The following ZNF83 variants were observed in gnomAD, a reference collection of about 807,000 sequenced individuals.
ZNF83 encodes the protein zinc finger protein 816B.
For missense variants in ZNF83, 552 were observed against 629.9 expected (o/e 0.88, Z 1.32); for synonymous variants, 209 against 213.0 (o/e 0.98, Z 0.17).
At chr19:52,635,129 TAC>T in exon 2 of ZNF83, 2 of 678,136 alleles carry the variant, frequency 2.9e-6, no homozygotes, top group Non-Finnish European at 5.3e-6. Context: ...CTTCCTCATG[TAC>T]CAAGAGTCCT....
intron 1 of ZNF83, among the ~76,000 whole-genome samples, chr19:52,683,205 A>C (rs185006086): frequency 2.9e-4 from 43 of 148,826 alleles, no homozygotes; most frequent in South Asian, 6.3e-4. Context: ...CTTGATCCTC[A>C]GCTCCTCAGC....
chr19:52,630,768 C>T lies in ZNF83; in HGVS notation c.-234+4298G>A, dbSNP rs954445439. Among the ~76,000 whole-genome samples the T allele has an allele frequency of 2.6e-5, 4 of 152,090 alleles. No individual in the cohort carries two copies. In the South Asian group the frequency reaches 6.2e-4, roughly 24 times the overall value. On this transcript the variant is annotated intron_variant, in intron 2 of 2. Coordinates refer to ENST00000301096, the Ensembl canonical transcript of ZNF83. ...ACCCCACTCAACGCCAGTATCCCAT[C>T]CCACAGCACGCTTTAAAAATATTAA...
chr19:52,623,319 T>A (rs949715225), intron 2 of ZNF83, among the ~76,000 whole-genome samples: 6 of 152,156 alleles, frequency 3.9e-5, no homozygotes, highest in African/African-American at 1.4e-4. Flanking sequence ...CCTGTTTAAT[T>A]GATACAGGGG....
At chr19:52,644,811 C>T (rs77066202) in intron 3 of ZNF83, among the ~76,000 whole-genome samples, 3 of 151,842 alleles carry the variant, frequency 2.0e-5, no homozygotes, top group Admixed American at 2.0e-4. Context: ...GAGTTTGAGA[C>T]CAGCCTGGCC....
chr19:52,633,722 C>T (rs1012184240), intron 2 of ZNF83, among the ~76,000 whole-genome samples: 6 of 152,070 alleles, frequency 3.9e-5, no homozygotes, highest in Non-Finnish European at 8.8e-5. Context: ...ACCAGCCTGG[C>T]CAACATGGAG....
chr19:52,652,583 A>G lies in ZNF83; in HGVS notation c.-74+2978T>C, dbSNP rs531627729. 353 of 431,554 alleles carry G rather than the reference A, an allele frequency of 8.2e-4. 2 individuals are homozygous for G. The highest frequency in any genetic ancestry group is 5.9e-3 in the African/African-American group (288 of 48,934). 26.7% of individuals were successfully genotyped at this position (431,554 alleles called of 1,614,324 possible). A position where few individuals can be genotyped will look rare whatever the true frequency, so the allele number is the denominator to read the frequency against. On this transcript the variant is annotated intron_variant, in intron 3 of 5. Coordinates refer to the ZNF83 transcript ENST00000594682. ...TAACGTTTCTTTCCAGTATGAGTTC[A>G]CTGATGAACTGCAAGCTATGAACAA...
At chr19:52,650,563 A>C (rs1166708045) in intron 3 of ZNF83, 3 of 152,056 alleles carry the variant, frequency 2.0e-5, no homozygotes, top group Non-Finnish European at 4.4e-5. Context: ...AGCCGAACTT[A>C]TTACTTTTCT....
Position 52,621,532 on chromosome 19 carries a change from T to G in ZNF83, c.-233-6735A>C, listed in dbSNP as rs968724694. ...TTCAATCACCACAGGGACACCTGCC[T>G]TGATCCTCCACCTTGGTGGCAAGTA... On this transcript the variant is annotated intron_variant, in intron 2 of 2. Coordinates refer to ENST00000301096, the Ensembl canonical transcript of ZNF83. Among the ~76,000 whole-genome samples the G allele has an allele frequency of 3.3e-5, 5 of 152,202 alleles. No homozygotes were observed. The South Asian group carries it at 6.2e-4, about 19-fold the overall frequency.
In ZNF83 at chr19:52,673,534, A is replaced by G. The variant is rs191926184; in HGVS notation, c.-282-12691T>C. ...CACACACACACAAAATGCTATAAAC[A>G]GAACATCAGAAAAAAAATATAGAAA... On this transcript the variant is annotated intron_variant, in intron 1 of 5. Transcript: ENST00000594682. Among the ~76,000 whole-genome samples, 388 of 152,256 alleles carry G rather than the reference A, an allele frequency of 2.5e-3. 3 individuals are homozygous for G. Among genetic ancestry groups the G allele is most frequent in the Non-Finnish European group, 4.0e-3 (274 of 68,014 alleles).
intron 2 of ZNF83, among the ~76,000 whole-genome samples, chr19:52,615,841 C>CT (rs930625266): frequency 1.3e-5 from 2 of 152,006 alleles, no homozygotes; most frequent in Admixed American, 6.6e-5. Context: ...ACTGATAAAT[C>CT]TTTTTTTTCT....
At chr19:52,647,741 T>C (rs1166997023) in intron 3 of ZNF83, among the ~76,000 whole-genome samples, 1 of 151,798 alleles carries the variant, frequency 6.6e-6, no homozygotes, top group African/African-American at 2.4e-5. Context: ...CCTCTATTCC[T>C]TCTCTTCCAC....
chr19:52,622,587 G>A (rs1203224018), intron 2 of ZNF83, among the ~76,000 whole-genome samples: 1 of 152,088 alleles, frequency 6.6e-6, no homozygotes, highest in Non-Finnish European at 1.5e-5. Flanking sequence ...TAGTTGAAGT[G>A]CTTAAAAAGG....
At chr19:52,642,227 T>G (rs1174335354), upstream of ZNF83, among the ~76,000 whole-genome samples, 1 of 149,206 alleles carries the variant, frequency 6.7e-6, no homozygotes, top group Non-Finnish European at 1.5e-5. Context: ...GGTGAAGAGC[T>G]TGAGGCTTCC....
chr19:52,627,044 A>G (rs1441773607), intron 2 of ZNF83, among the ~76,000 whole-genome samples: 3 of 152,044 alleles, frequency 2.0e-5, no homozygotes, highest in African/African-American at 7.2e-5. Flanking sequence ...CCCTGCCCCA[A>G]CTGATCGATC....
chr19:52,613,415 G>A lies in ZNF83; in HGVS notation c.1150C>T (p.Gln384Ter), dbSNP rs146104593. Residue 384 changes from glutamine to a stop codon, truncating the protein, a stop_gained, in exon 3 of 3, where the codon CAA becomes TAA. Transcript: ENST00000301096. LOFTEE classifies it low-confidence loss of function (END_TRUNC). ...TGATGTTGTACAAGATGTGAATTTT[G>A]ACTGAATGCTTTGTCACATTCATCA... The A allele has an allele frequency of 4.3e-5, 69 of 1,613,668 alleles. No individual in the cohort carries two copies. The East Asian group carries it at 9.8e-4, about 23-fold the overall frequency.
chr19:52,652,965 C>A, intron 3 of ZNF83: 1 of 1,296,956 alleles, frequency 7.7e-7, no homozygotes, highest in Non-Finnish European at 1.1e-6. Flanking sequence ...TCTTGCCACA[C>A]TCATTACACC....
chr19:52,655,080 G>A (rs1016976160), intron 3 of ZNF83: 1 of 153,598 alleles, frequency 6.5e-6, no homozygotes, highest in Non-Finnish European at 1.4e-5. Flanking sequence ...CAGTTAGGTT[G>A]GGAGGCTGAG....
chr19:52,653,462 T>C (rs1051986709), intron 3 of ZNF83, among the ~76,000 whole-genome samples: 1 of 152,210 alleles, frequency 6.6e-6, no homozygotes, highest in Non-Finnish European at 1.5e-5. Flanking sequence ...CTAAAAGCTT[T>C]GTCACAAACC....
chr19:52,614,706 A>G lies in ZNF83; in HGVS notation c.-142T>C. The G allele has an allele frequency of 7.4e-7, 1 of 1,343,918 alleles. No homozygotes were observed. Among genetic ancestry groups the G allele is most frequent in the Non-Finnish European group, 9.6e-7 (1 of 1,041,540 alleles). The allele number at this position is 1,343,918 out of a possible 1,614,324, so 83.2% of individuals were successfully genotyped here. ...AAAAATCTTGTATGTCGTGGCTTTC[A>G]TGTCTTTCCAACATTACTGTCTGGA... On this transcript the variant is annotated 5_prime_UTR_variant, in exon 3 of 3. An upstream start codon of the reference 5' UTR is lost. Transcript: ENST00000301096.
Sources: allele counts gnomAD v4.1 joint callset (sites outside exome capture counted in the v4.1 genomes callset), GRCh38; gene constraint gnomAD v4.1.1; transcripts MANE v1.5; gene names NCBI Gene and HGNC (gene_info 2026-07-23, HGNC 2026-07-21).